The following RGS6 variants were observed in gnomAD, a reference collection of about 807,000 sequenced individuals.
RGS6 encodes regulator of G-protein signaling 6.
In RGS6, 30 loss-of-function variants were observed where a neutral mutation model predicts 78.5. That is an observed-to-expected ratio of 0.38 (90% CI 0.29 to 0.52). The LOEUF (loss-of-function observed/expected upper bound fraction) is 0.52, where lower values mean the gene tolerates loss of function less well. Ranked by LOEUF, RGS6 falls within the 20% of genes least tolerant of loss-of-function variation. The pLI is 0.85. For synonymous variants in RGS6, 206 were observed against 206.0 expected (o/e 1.00, Z 0.00); for missense variants, 495 against 609.7 (o/e 0.81, Z 1.98).
At chr14:72,246,788 C>G (rs1194877711) in intron 2 of RGS6, among the ~76,000 whole-genome samples, 1 of 151,994 alleles carries the variant, frequency 6.6e-6, no homozygotes, top group Non-Finnish European at 1.5e-5. Flanking sequence ...CGTCTGTAGT[C>G]CCAGCTACTT....
Position 72,003,215 on chromosome 14 carries a change from A to G in RGS6, c.84+38340A>G, listed in dbSNP as rs75096739. Among the ~76,000 whole-genome samples, 742 of 152,244 alleles carry G rather than the reference A, an allele frequency of 4.9e-3. 8 individuals carry two copies. The highest frequency in any genetic ancestry group is 0.017 in the African/African-American group (705 of 41,530). On this transcript the variant is annotated intron_variant, in intron 2 of 17. Transcript: ENST00000553525. ...TACCCACTGGCCACCAGGTACTCAC[A>G]CTGCAGTGAAAGGATTCCTAAAAAC...
intron 3 of RGS6, among the ~76,000 whole-genome samples, chr14:72,435,580 G>A (rs2094866525): frequency 6.6e-6 from 1 of 152,074 alleles, no homozygotes; most frequent in Non-Finnish European, 1.5e-5. Flanking sequence ...ATGGATCTTA[G>A]AGACTAAAAT....
At chr14:72,314,184 G>A (rs558727304) in intron 2 of RGS6, among the ~76,000 whole-genome samples, 6 of 152,274 alleles carry the variant, frequency 3.9e-5, no homozygotes, top group Admixed American at 6.5e-5. Flanking sequence ...GTCTGTGTTC[G>A]GGGTTGGAAG....
chr14:72,392,538 G>T (rs967952677), intron 3 of RGS6, among the ~76,000 whole-genome samples: 2 of 152,144 alleles, frequency 1.3e-5, no homozygotes, highest in African/African-American at 4.8e-5. Context: ...ATTCAGGGAA[G>T]GTAGAGCAGT....
At chr14:72,183,613 A>G (rs1218681432) in intron 2 of RGS6, among the ~76,000 whole-genome samples, 3 of 152,318 alleles carry the variant, frequency 2.0e-5, no homozygotes, top group Non-Finnish European at 4.4e-5. Flanking sequence ...GCAGGGGGAC[A>G]TTGTCTTTGA....
chr14:72,170,762 A>G (rs2097001807), intron 2 of RGS6, among the ~76,000 whole-genome samples: 1 of 152,248 alleles, frequency 6.6e-6, no homozygotes, highest in African/African-American at 2.4e-5. Flanking sequence ...AACAATCTGT[A>G]GTACCTATGA....
chr14:72,548,342 T>TGTGTGTGTGTGTGTGTGTGTGCGCGC (rs796698263), intron 17 of RGS6, among the ~76,000 whole-genome samples: 1 of 134,744 alleles, frequency 7.4e-6, no homozygotes, highest in African/African-American at 3.2e-5. Context: ...TGTGTGTGTG[T>TGTGTGTGTGTGTGTGTGTGTGCGCGC]GCGCGCGTGT....
At chr14:71,962,486 G>A (rs2093272263) in intron 1 of RGS6, among the ~76,000 whole-genome samples, 2 of 152,150 alleles carry the variant, frequency 1.3e-5, no homozygotes, top group Non-Finnish European at 1.5e-5. Flanking sequence ...CTCAATTTTT[G>A]TTTTCATGCT....
rs553968726 is a variant in RGS6, at chr14:72,430,616, T to C, written c.185-23912T>C. Among the ~76,000 whole-genome samples the C allele has an allele frequency of 2.6e-5, 4 of 152,348 alleles. No homozygotes were observed. In the East Asian group the frequency reaches 7.7e-4, roughly 29 times the overall value. ...CAAAATTGCCACCTTTTCTGAGTTA[T>C]GAAAGCCTTCTCTCCTAGAGCCCCA... On this transcript the variant is annotated intron_variant, in intron 3 of 17. Transcript: ENST00000553525.
chr14:72,215,775 A>G (rs944693796), intron 2 of RGS6, among the ~76,000 whole-genome samples: 22 of 152,246 alleles, frequency 1.4e-4, no homozygotes, highest in African/African-American at 5.1e-4. Flanking sequence ...TAAGCATGCC[A>G]GGGCAAATAT....
At chr14:72,285,233 G>A (rs186661749) in intron 2 of RGS6, among the ~76,000 whole-genome samples, 27 of 152,170 alleles carry the variant, frequency 1.8e-4, no homozygotes, top group Admixed American at 1.4e-3. Context: ...GGGAGGGGCC[G>A]GGGGCAGAAT....
intron 2 of RGS6, among the ~76,000 whole-genome samples, chr14:72,294,175 A>C (rs2064218783): frequency 6.6e-6 from 1 of 152,240 alleles, no homozygotes; most frequent in African/African-American, 2.4e-5. Flanking sequence ...CTAATGGATT[A>C]GGGTACTTAA....
At chr14:72,586,662 T>C in the RGS6 span, among the ~76,000 whole-genome samples, 1 of 152,134 alleles carries the variant, frequency 6.6e-6, no homozygotes, top group African/African-American at 2.4e-5. Context: ...CAGAGCTTAC[T>C]CTCTCCTGAA....
Position 72,273,760 on chromosome 14 carries a change from T to C in RGS6, c.85-78335T>C, listed in dbSNP as rs538819663. Among the ~76,000 whole-genome samples, 4 of 152,266 alleles carry C rather than the reference T, an allele frequency of 2.6e-5. No individual in the cohort carries two copies. The South Asian group carries it at 8.3e-4, about 32-fold the overall frequency. On this transcript the variant is annotated intron_variant, in intron 2 of 17. Transcript: ENST00000553525. ...TAGTTGCTCAAGAAAGATCTTTGGG[T>C]GGCTGTGAGCAGATCTGAAAATAGT...
chr14:72,582,159 C>A, the RGS6 span, among the ~76,000 whole-genome samples: 1 of 152,278 alleles, frequency 6.6e-6, no homozygotes, highest in Middle Eastern at 3.4e-3. Context: ...GCCCCCAAGA[C>A]CTAAACACCT....
chr14:72,227,823 A>C (rs748672045), intron 2 of RGS6, among the ~76,000 whole-genome samples: 1 of 152,198 alleles, frequency 6.6e-6, no homozygotes, highest in Admixed American at 6.5e-5. Flanking sequence ...AAAAACTTCT[A>C]TTAGCTGTGG....
intron 2 of RGS6, among the ~76,000 whole-genome samples, chr14:72,253,186 A>G (rs2056247195): frequency 6.6e-6 from 1 of 152,256 alleles, no homozygotes. Context: ...AAGAGCCATC[A>G]TGTGACTCAG....
intron 2 of RGS6, among the ~76,000 whole-genome samples, chr14:72,308,857 C>T (rs1038136037): frequency 3.9e-5 from 6 of 152,134 alleles, no homozygotes; most frequent in African/African-American, 1.4e-4. Flanking sequence ...GTCTTTGAAC[C>T]TCCCTCAGTT....
chr14:72,310,845 C>T (rs1381992038), intron 2 of RGS6, among the ~76,000 whole-genome samples: 2 of 152,212 alleles, frequency 1.3e-5, no homozygotes, highest in Non-Finnish European at 2.9e-5. Flanking sequence ...GTGACTCCAG[C>T]TTCTCCCACA....
Sources: allele counts gnomAD v4.1 joint callset (sites outside exome capture counted in the v4.1 genomes callset), GRCh38; gene constraint gnomAD v4.1.1; transcripts MANE v1.5; gene names NCBI Gene and HGNC (gene_info 2026-07-23, HGNC 2026-07-21).